The following PRKN variants were observed in gnomAD, a reference collection of about 807,000 sequenced individuals.
The protein encoded by PRKN is parkin RBR E3 ubiquitin protein ligase.
PRKN carries 56 observed loss-of-function variants against 59.5 expected under a neutral mutation model. The observed-to-expected ratio is 0.94, with a 90% CI of 0.76 to 1.18. PRKN has a LOEUF of 1.18. PRKN is among the 50% of genes most tolerant of loss of function. PRKN has a pLI of 0.00. For synonymous variants in PRKN, 250 were observed against 222.1 expected (o/e 1.13, Z -1.12); for missense variants, 657 against 596.4 (o/e 1.10, Z -1.06).
chr6:162,718,287 T>TATTA (rs1778802774), intron 1 of PRKN, among the ~76,000 whole-genome samples: 1 of 152,166 alleles, frequency 6.6e-6, no homozygotes, highest in Non-Finnish European at 1.5e-5. Flanking sequence ...ACTTGCATTC[T>TATTA]ATTAAGCATA....
chr6:162,454,104 A>C (rs969991588), intron 1 of PRKN, among the ~76,000 whole-genome samples: 1 of 152,238 alleles, frequency 6.6e-6, no homozygotes, highest in Non-Finnish European at 1.5e-5. Context: ...GTGAGAATTT[A>C]ATAAATCAAT....
In PRKN at chr6:161,994,962, C is replaced by T. The variant is rs150148163; in HGVS notation, c.619-21545G>A. ...CAGTCCTAAAATATGTATGGAACCA[C>T]AAAAGACCCTGAGTAGCCAAAGCAA... is the stretch of plus-strand genomic sequence containing the variant. On this transcript the variant is annotated intron_variant, in intron 5 of 11. Coordinates refer to ENST00000366898, the MANE Select transcript of PRKN (RefSeq NM_004562.3). 4.6e-3 allele frequency among the ~76,000 whole-genome samples: 688 copies of T among 150,070 alleles called. 12 individuals are homozygous for T. Among genetic ancestry groups the T allele is most frequent in the South Asian group, 0.026 (122 of 4,736 alleles).
rs1790068097 is a variant in PRKN, at chr6:161,458,433, G to A, written c.1084-71556C>T. ...TCACAGCTCCCTGGCCCTCGCCGCGGTGGAGGCAGCCGTCTGTCTACCTCC... is the reference window on the plus strand; with the variant it reads ...TCACAGCTCCCTGGCCCTCGCCGCGATGGAGGCAGCCGTCTGTCTACCTCC... On this transcript the variant is annotated intron_variant, in intron 9 of 11. Transcript: ENST00000366898. This position sits in a 1 kb window ranked among gnomAD's most constrained non-coding sequence, Gnocchi z 6.1. Among the ~76,000 whole-genome samples the A allele has an allele frequency of 6.6e-6, 1 of 152,164 alleles. No individual in the cohort carries two copies. Among genetic ancestry groups the A allele is most frequent in the African/African-American group, 2.4e-5 (1 of 41,440 alleles).
chr6:162,164,484 T>C (rs1265877188), intron 4 of PRKN, among the ~76,000 whole-genome samples: 1 of 148,770 alleles, frequency 6.7e-6, no homozygotes, highest in African/African-American at 2.5e-5. Flanking sequence ...AGTGCTAAGA[T>C]TACAGGTGTG....
At chr6:161,555,459 C>T (rs1195510133) in intron 8 of PRKN, among the ~76,000 whole-genome samples, 2 of 152,166 alleles carry the variant, frequency 1.3e-5, no homozygotes, top group Non-Finnish European at 2.9e-5. Flanking sequence ...TGAAATTTTA[C>T]AAAGAGGTAG....
chr6:162,484,334 TCAGGAATGGTGGTAGCAAAA>T (rs983312986), intron 1 of PRKN, among the ~76,000 whole-genome samples: 40 of 152,146 alleles, frequency 2.6e-4, no homozygotes, highest in African/African-American at 9.7e-4. Flanking sequence ...GAAGACCTCT[TCAGGAATGGTGGTAGCAAAA>T]CAGGGGGTCT....
chr6:161,523,275 T>C (rs1778904453), intron 9 of PRKN, among the ~76,000 whole-genome samples: 1 of 152,240 alleles, frequency 6.6e-6, no homozygotes, highest in African/African-American at 2.4e-5. Context: ...TAAATTTTTA[T>C]AAAACGTTTT....
intron 3 of PRKN, among the ~76,000 whole-genome samples, chr6:162,228,202 G>A (rs1175663071): frequency 1.3e-5 from 2 of 152,110 alleles, no homozygotes; most frequent in South Asian, 2.1e-4. Context: ...TTAGAGAGAC[G>A]TGTTTCAACT....
intron 9 of PRKN, among the ~76,000 whole-genome samples, chr6:161,492,816 C>T (rs754805700): frequency 2.6e-5 from 4 of 152,128 alleles, no homozygotes; most frequent in South Asian, 2.1e-4. Flanking sequence ...GCCAAAATGG[C>T]ATGCATTGAT....
At chr6:162,144,550 C>T (rs1781931856) in intron 4 of PRKN, among the ~76,000 whole-genome samples, 1 of 152,092 alleles carries the variant, frequency 6.6e-6, no homozygotes, top group Non-Finnish European at 1.5e-5. Context: ...AGCTGGCTTC[C>T]CTACAATGTC....
chr6:161,437,899 G>A (rs1415502913), intron 9 of PRKN, among the ~76,000 whole-genome samples: 2 of 152,142 alleles, frequency 1.3e-5, no homozygotes, highest in Non-Finnish European at 2.9e-5. Flanking sequence ...AGGAACACTA[G>A]TATATCTACC....
chr6:161,782,192 C>T (rs149764416), intron 7 of PRKN, among the ~76,000 whole-genome samples: 1 of 151,994 alleles, frequency 6.6e-6, no homozygotes, highest in Non-Finnish European at 1.5e-5. Context: ...GTAAGCTATA[C>T]CTACACAAAG....
intron 6 of PRKN, among the ~76,000 whole-genome samples, chr6:161,928,480 T>G (rs2128240336): frequency 6.6e-6 from 1 of 152,312 alleles, no homozygotes; most frequent in South Asian, 2.1e-4. Flanking sequence ...AAGTCCTTGG[T>G]TTTATTCCAC....
rs933708702 is a variant in PRKN at position 161,409,082 on chromosome 6, A to G, written c.1084-22205T>C. Among the ~76,000 whole-genome samples the G allele has an allele frequency of 6.6e-6, 1 of 152,128 alleles. No homozygotes were observed. Among genetic ancestry groups the G allele is most frequent in the Non-Finnish European group, 1.5e-5 (1 of 68,032 alleles). On this transcript the variant is annotated intron_variant, in intron 9 of 11. Transcript: ENST00000366898. The surrounding 1 kb of genome is among the most constrained non-coding windows in gnomAD (Gnocchi z 4.6). ...TGCCTCAGCCTCCCAAGTAACTAGG[A>G]CTACAGGCTCCCATCACCATGCCCA...
intron 2 of PRKN, among the ~76,000 whole-genome samples, chr6:162,332,511 C>G (rs574993939): frequency 6.6e-6 from 1 of 152,110 alleles, no homozygotes; most frequent in African/African-American, 2.4e-5. Flanking sequence ...GGTAAATTAT[C>G]GTATCAGTAT....
intron 7 of PRKN, among the ~76,000 whole-genome samples, chr6:161,570,124 T>TAAAAAAAAAAAAAAAAAAAAAA (rs55699586): frequency 3.9e-5 from 2 of 51,418 alleles, no homozygotes; most frequent in Non-Finnish European, 6.8e-5. Flanking sequence ...AGTAAATAGG[T>TAAAAAAAAAAAAAAAAAAAAAA]AAAAAAAAAA....
chr6:162,559,471 T>C (rs1779749687), intron 1 of PRKN, among the ~76,000 whole-genome samples: 1 of 152,126 alleles, frequency 6.6e-6, no homozygotes, highest in African/African-American at 2.4e-5. Flanking sequence ...ATCATTTAGG[T>C]TCACCTTGTC....
chr6:162,380,293 AAC>A (rs1786359735), intron 2 of PRKN, among the ~76,000 whole-genome samples: 2 of 151,676 alleles, frequency 1.3e-5, no homozygotes, highest in African/African-American at 4.8e-5. Context: ...TTCTCAAAGG[AAC>A]ACAGAGTTCT....
At chr6:161,788,425 C>A (rs940516785) in intron 6 of PRKN, among the ~76,000 whole-genome samples, 3 of 152,174 alleles carry the variant, frequency 2.0e-5, no homozygotes, top group Non-Finnish European at 4.4e-5. Flanking sequence ...CATCCTGCAA[C>A]TGGCAGTGAA....
Sources: gnomAD v4.1 joint callset for allele counts (sites outside exome capture counted in the v4.1 genomes callset) on GRCh38, gnomAD v4.1.1 for gene constraint, Gnocchi (gnomAD v3.1) non-coding constraint, MANE v1.5 for transcripts, NCBI Gene and HGNC (gene_info 2026-07-23, HGNC 2026-07-21) for gene names.